NTNG1: variants seen among roughly 807,000 people sequenced by gnomAD.
The protein encoded by NTNG1 is netrin-G1.
In NTNG1, 16 loss-of-function variants were observed where a neutral mutation model predicts 54.0. The ratio of observed to expected loss-of-function variants is 0.30; its 90% CI spans 0.20 to 0.45. The LOEUF (loss-of-function observed/expected upper bound fraction) is 0.45. NTNG1 is among the 20% of genes least tolerant of loss of function. NTNG1 has a pLI of 1.00. For synonymous variants in NTNG1, 255 were observed against 263.1 expected (o/e 0.97, Z 0.30); for missense variants, 530 against 678.7 (o/e 0.78, Z 2.43).
chr1:107,401,692 T>TG (rs1174087553), intron 4 of NTNG1, among the ~76,000 whole-genome samples: 4 of 151,592 alleles, frequency 2.6e-5, no homozygotes, highest in African/African-American at 9.7e-5. Flanking sequence ...TTCATAGTTT[T>TG]TTTTTTTTTT....
intron 2 of NTNG1, among the ~76,000 whole-genome samples, chr1:107,187,466 C>G (rs1657549855): frequency 6.6e-6 from 1 of 152,156 alleles, no homozygotes; most frequent in African/African-American, 2.4e-5. Flanking sequence ...GAAAGTTAAG[C>G]TCTAGCATAT....
At chr1:107,297,212 C>T (rs905231340) in intron 2 of NTNG1, among the ~76,000 whole-genome samples, 2 of 71,762 alleles carry the variant, frequency 2.8e-5, no homozygotes, top group African/African-American at 1.1e-4. Context: ...TATATATATA[C>T]CATCATATAT....
intron 3 of NTNG1, among the ~76,000 whole-genome samples, chr1:107,367,060 C>CCGTG (rs1557937634): frequency 3.0e-5 from 4 of 132,806 alleles, no homozygotes; most frequent in African/African-American, 1.2e-4. Context: ...TGTCTTTTAT[C>CCGTG]TGTTCGTGTG....
At chr1:107,363,062 A>G (rs1276922005) in intron 3 of NTNG1, among the ~76,000 whole-genome samples, 2 of 152,336 alleles carry the variant, frequency 1.3e-5, no homozygotes, top group Admixed American at 1.3e-4. Context: ...ATGGATGGTC[A>G]GGGTTTCATA....
At chr1:107,319,865 T>TTTTATATATATA (rs143435452) in intron 2 of NTNG1, among the ~76,000 whole-genome samples, 3 of 147,872 alleles carry the variant, frequency 2.0e-5, no homozygotes, top group African/African-American at 5.0e-5. Flanking sequence ...TACCTGAGGT[T>TTTTATATATATA]TATATATATA....
intron 5 of NTNG1, among the ~76,000 whole-genome samples, chr1:107,421,664 A>C (rs984214767): frequency 2.0e-5 from 3 of 152,134 alleles, no homozygotes; most frequent in African/African-American, 7.2e-5. Context: ...TCCAAAAATA[A>C]TAGTTATATT....
At chr1:107,298,702 A>C (rs1666131525) in intron 2 of NTNG1, among the ~76,000 whole-genome samples, 1 of 152,200 alleles carries the variant, frequency 6.6e-6, no homozygotes, top group Admixed American at 6.5e-5. Context: ...GACAGGTGGC[A>C]GTTGTGACAT....
chr1:107,154,066 G>A (rs1451652078), intron 2 of NTNG1, among the ~76,000 whole-genome samples: 1 of 152,104 alleles, frequency 6.6e-6, no homozygotes, highest in Non-Finnish European at 1.5e-5. Flanking sequence ...TAGTGGTGGT[G>A]GAGATAACTA....
chr1:107,362,154 C>T (rs1252018548), intron 3 of NTNG1, among the ~76,000 whole-genome samples: 1 of 152,190 alleles, frequency 6.6e-6, no homozygotes, highest in Non-Finnish European at 1.5e-5. Context: ...AACCTCTACC[C>T]ATTTTCCTCA....
intron 3 of NTNG1, among the ~76,000 whole-genome samples, chr1:107,358,619 A>G (rs1029564019): frequency 6.6e-6 from 1 of 152,132 alleles, no homozygotes; most frequent in African/African-American, 2.4e-5. Flanking sequence ...TTTTGAAAGT[A>G]AGGAATTCTA....
intron 2 of NTNG1, among the ~76,000 whole-genome samples, chr1:107,274,777 G>A (rs1023391358): frequency 2.6e-5 from 4 of 152,180 alleles, no homozygotes; most frequent in Non-Finnish European, 4.4e-5. Flanking sequence ...ATTTATATTT[G>A]ATTCTATGCG....
chr1:107,333,275 C>G (rs557324556), intron 3 of NTNG1, among the ~76,000 whole-genome samples: 2 of 152,120 alleles, frequency 1.3e-5, no homozygotes, highest in African/African-American at 4.8e-5. Flanking sequence ...AATTCTTTGT[C>G]AGCTCAGAAT....
chr1:107,431,491 G>A (rs1675262617), intron 6 of NTNG1, among the ~76,000 whole-genome samples: 1 of 152,032 alleles, frequency 6.6e-6, no homozygotes. Context: ...TCCCAAAAAG[G>A]AGGAGTAATT....
chr1:107,402,859 TG>T (rs1673128670), intron 4 of NTNG1, among the ~76,000 whole-genome samples: 2 of 152,166 alleles, frequency 1.3e-5, no homozygotes, highest in South Asian at 4.1e-4. Flanking sequence ...GTTACCCACT[TG>T]ATGGGTTTTT....
At chr1:107,199,212 C>A (rs1341302968) in intron 2 of NTNG1, among the ~76,000 whole-genome samples, 6 of 151,622 alleles carry the variant, frequency 4.0e-5, no homozygotes, top group Admixed American at 4.0e-4. Context: ...TCAGTTATCT[C>A]CCCAGTTTTC....
chr1:107,234,196 C>T (rs750287194), intron 2 of NTNG1, among the ~76,000 whole-genome samples: 1 of 152,144 alleles, frequency 6.6e-6, no homozygotes, highest in Non-Finnish European at 1.5e-5. Flanking sequence ...GATCTTGGCT[C>T]ACTGCAACGT....
chr1:107,188,168 G>A (rs1026287575), intron 2 of NTNG1, among the ~76,000 whole-genome samples: 2 of 151,610 alleles, frequency 1.3e-5, no homozygotes, highest in Admixed American at 6.6e-5. Flanking sequence ...CAACAGTTCC[G>A]TAGTCCTGAT....
chr1:107,448,103 G>A (rs1335740451), intron 7 of NTNG1, among the ~76,000 whole-genome samples: 2 of 152,044 alleles, frequency 1.3e-5, no homozygotes, highest in African/African-American at 2.4e-5. Context: ...TGAGACGATT[G>A]ACTTCCAGTA....
intron 7 of NTNG1, among the ~76,000 whole-genome samples, chr1:107,441,724 A>G (rs1675977982): frequency 6.6e-6 from 1 of 152,122 alleles, no homozygotes; most frequent in Admixed American, 6.6e-5. Context: ...CTTTGAGAAC[A>G]CATTATATTG....
Sources: gnomAD v4.1 joint callset for allele counts (sites outside exome capture counted in the v4.1 genomes callset) on GRCh38, gnomAD v4.1.1 for gene constraint, MANE v1.5 for transcripts, NCBI Gene and HGNC (gene_info 2026-07-23, HGNC 2026-07-21) for gene names.